Variants in TRPM3 observed in about 807,000 individuals in gnomAD.
TRPM3 encodes the protein transient receptor potential cation channel subfamily M member 3.
In TRPM3, 77 loss-of-function variants were observed where a neutral mutation model predicts 181.2. The ratio of observed to expected loss-of-function variants is 0.42; its 90% CI spans 0.35 to 0.51. The LOEUF (loss-of-function observed/expected upper bound fraction) is 0.51. Among genes scored for constraint, TRPM3 ranks in the 20% least tolerant of loss-of-function variants. The pLI is 0.01. For synonymous variants in TRPM3, 745 were observed against 796.4 expected, an observed-to-expected ratio of 0.94 and a Z score of 1.09; for missense variants, 1,759 against 2,196.7, an observed-to-expected ratio of 0.80 and a Z score of 3.98.
chr9:70,828,564 T>C (rs773891098), intron 5 of TRPM3, among the ~76,000 whole-genome samples: 4 of 152,166 alleles, frequency 2.6e-5, no homozygotes, highest in Non-Finnish European at 5.9e-5. Context: ...ATCTTGAATA[T>C]AAAATAATTG....
intron 1 of TRPM3, among the ~76,000 whole-genome samples, chr9:71,114,447 AT>A (rs1291762570): frequency 1.3e-5 from 2 of 152,218 alleles, no homozygotes; most frequent in Admixed American, 6.5e-5. Context: ...TGTTCATTCT[AT>A]TTTTTTCATA....
intron 1 of TRPM3, among the ~76,000 whole-genome samples, chr9:71,332,574 A>C (rs2090284185): frequency 6.6e-6 from 1 of 151,784 alleles, no homozygotes; most frequent in Non-Finnish European, 1.5e-5. Context: ...CCAAAAAAAA[A>C]CAAAAATGTG....
At chr9:71,168,571 TA>T (rs2076665038) in intron 1 of TRPM3, among the ~76,000 whole-genome samples, 2 of 117,638 alleles carry the variant, frequency 1.7e-5, no homozygotes, top group East Asian at 2.4e-4. Context: ...TTTATTTATT[TA>T]TTTTTGTTTT....
intron 1 of TRPM3, among the ~76,000 whole-genome samples, chr9:71,378,068 G>A (rs1263367655): frequency 1.3e-5 from 2 of 151,990 alleles, no homozygotes; most frequent in Non-Finnish European, 2.9e-5. Flanking sequence ...ATACATATTT[G>A]TAAATGATTC....
chr9:71,114,491 A>T (rs1368066893), intron 1 of TRPM3, among the ~76,000 whole-genome samples: 1 of 152,200 alleles, frequency 6.6e-6, no homozygotes, highest in Non-Finnish European at 1.5e-5. Flanking sequence ...CATTTAAAAA[A>T]TTTTCCAAGT....
At chr9:70,868,553 C>G (rs1368511682) in intron 1 of TRPM3, among the ~76,000 whole-genome samples, 1 of 151,990 alleles carries the variant, frequency 6.6e-6, no homozygotes, top group Non-Finnish European at 1.5e-5. Context: ...TATGTCCTCC[C>G]CACCAGCTAT....
chr9:71,079,772 G>A (rs1158211634), intron 1 of TRPM3, among the ~76,000 whole-genome samples: 1 of 151,922 alleles, frequency 6.6e-6, no homozygotes, highest in Non-Finnish European at 1.5e-5. Flanking sequence ...CTCTTTCTGG[G>A]GTTGGATTAG....
chr9:71,293,868 A>G (rs1367769625), intron 1 of TRPM3, among the ~76,000 whole-genome samples: 2 of 151,988 alleles, frequency 1.3e-5, no homozygotes, highest in African/African-American at 4.8e-5. Context: ...AGAACCAGAC[A>G]CAGACTCATG....
chr9:71,321,503 C>T lies in TRPM3; in HGVS notation c.183+125150G>A, dbSNP rs2089220023. 2.6e-5 allele frequency among the ~76,000 whole-genome samples: 4 copies of T among 152,272 alleles called. No homozygotes were observed. The South Asian group carries it at 8.3e-4, about 32-fold the overall frequency. ...GAATATACATAAATATCACTTTCAT[C>T]TCATATGAGGCATTCATACATGAGA... On this transcript the variant is annotated intron_variant, in intron 1 of 24. Coordinates refer to the TRPM3 transcript ENST00000357533.
At chr9:70,607,503 C>T (rs1412196794) in intron 19 of TRPM3, among the ~76,000 whole-genome samples, 1 of 152,170 alleles carries the variant, frequency 6.6e-6, no homozygotes, top group African/African-American at 2.4e-5. Flanking sequence ...ATCCAGTCAG[C>T]CACGCAGAAG....
intron 1 of TRPM3, among the ~76,000 whole-genome samples, chr9:71,075,325 A>G (rs535330694): frequency 8.1e-4 from 123 of 152,326 alleles, no homozygotes; most frequent in Middle Eastern, 3.4e-3. Context: ...CACATATTGA[A>G]GCATTTCCAA....
chr9:70,738,303 A>C (rs948949377), intron 8 of TRPM3, among the ~76,000 whole-genome samples: 16 of 152,172 alleles, frequency 1.1e-4, no homozygotes, highest in African/African-American at 3.9e-4. Context: ...AGATGGACCC[A>C]CCAACTCATG....
chr9:71,319,023 C>CTCTTTTTGCCTTGCTTCTTTCACTTATG (rs138286517), intron 1 of TRPM3, among the ~76,000 whole-genome samples: 1 of 151,594 alleles, frequency 6.6e-6, no homozygotes, highest in Non-Finnish European at 1.5e-5. Context: ...ATAGTATGTA[C>CTCTTTTTGCCTTGCTTCTTTCACTTATG]AAAATTGTGA....
At chr9:70,966,049 AC>A (rs200329411) in intron 1 of TRPM3, among the ~76,000 whole-genome samples, 1 of 151,524 alleles carries the variant, frequency 6.6e-6, no homozygotes, top group African/African-American at 2.4e-5. Flanking sequence ...AAAAAAAAAA[AC>A]CACAAAGAAA....
intron 9 of TRPM3, among the ~76,000 whole-genome samples, 163 bp downstream of exon 9, chr9:70,681,343 G>A (rs1024516942): frequency 3.3e-5 from 5 of 152,056 alleles, no homozygotes; most frequent in African/African-American, 1.2e-4. Flanking sequence ...TATTCTAGGA[G>A]AATTTAATAG....
chr9:70,567,002 A>G (rs763435598), intron 22 of TRPM3, among the ~76,000 whole-genome samples: 3 of 152,340 alleles, frequency 2.0e-5, no homozygotes, highest in Non-Finnish European at 4.4e-5. Context: ...GAGAGGGAAC[A>G]AGGTTCTTAC....
chr9:71,339,380 A>C, intron 1 of TRPM3, among the ~76,000 whole-genome samples: 1 of 152,126 alleles, frequency 6.6e-6, no homozygotes, highest in East Asian at 1.9e-4. Flanking sequence ...AAAACAGTCA[A>C]AGAAAAGAGC....
intron 1 of TRPM3, among the ~76,000 whole-genome samples, chr9:71,128,857 A>T (rs965365840): frequency 2.6e-5 from 4 of 152,180 alleles, no homozygotes; most frequent in Non-Finnish European, 5.9e-5. Flanking sequence ...ACACAAGTTC[A>T]AGCTCAAACC....
At chr9:71,278,961 T>C (rs2084442460) in intron 1 of TRPM3, among the ~76,000 whole-genome samples, 1 of 148,058 alleles carries the variant, frequency 6.8e-6, no homozygotes, top group Non-Finnish European at 1.5e-5. Flanking sequence ...CATAAGAACA[T>C]ACTTCTCTTT....
Sources: allele counts gnomAD v4.1 joint callset (sites outside exome capture counted in the v4.1 genomes callset), GRCh38; gene constraint gnomAD v4.1.1; transcripts MANE v1.5; gene names NCBI Gene and HGNC (gene_info 2026-07-23, HGNC 2026-07-21).